The following DGKE variants were observed in gnomAD, a reference collection of about 807,000 sequenced individuals.
DGKE encodes DAG kinase epsilon.
A neutral mutation model predicts 70.0 loss-of-function variants in DGKE; 53 were observed. The ratio of observed to expected loss-of-function variants is 0.76; its 90% CI spans 0.61 to 0.95. The LOEUF (loss-of-function observed/expected upper bound fraction) is 0.95, where lower values mean the gene tolerates loss of function less well. Among genes scored for constraint, DGKE ranks in the 40% least tolerant of loss-of-function variants. The pLI, the probability that DGKE is intolerant of heterozygous loss-of-function variation, is 0.00. For synonymous variants in DGKE, 291 were observed against 257.0 expected (o/e 1.13, Z -1.27); for missense variants, 655 against 706.9 (o/e 0.93, Z 0.83).
chr17:56,861,050 GCAGATAGGC>G (rs1228271351), intron 9 of DGKE, among the ~76,000 whole-genome samples: 2 of 152,220 alleles, frequency 1.3e-5, no homozygotes, highest in Non-Finnish European at 2.9e-5. Context: ...AAAGCTAGAG[GCAGATAGGC>G]CAGATAGAAA....
intron 2 of DGKE, among the ~76,000 whole-genome samples, chr17:56,840,327 G>A (rs192355758): frequency 7.2e-5 from 11 of 152,150 alleles, no homozygotes; most frequent in Admixed American, 3.9e-4. Context: ...TTCATAATAC[G>A]CCAGATTTAT....
intron 3 of DGKE, 77 bp from the exon 4 acceptor site, chr17:56,845,613 A>G (rs1378541826): frequency 2.8e-6 from 4 of 1,439,524 alleles, no homozygotes; most frequent in Non-Finnish European, 3.7e-6. Context: ...TTATAGCACC[A>G]TTGTTCTCAA....
At chr17:56,861,944 TTA>T in intron 10 of DGKE, 26 bp downstream of exon 10, 2 of 1,568,892 alleles carry the variant, frequency 1.3e-6, no homozygotes, top group Non-Finnish European at 1.7e-6. Context: ...GTCTGTTTTT[TTA>T]TGTCACTATT....
intron 7 of DGKE, 70 bp downstream of exon 7, chr17:56,849,302 G>T: frequency 2.2e-6 from 3 of 1,384,324 alleles, no homozygotes; most frequent in Non-Finnish European, 3.0e-6. Context: ...TCTGTGGTGG[G>T]ATACAGAGAC....
chr17:56,843,922 A>C (rs895308806), intron 2 of DGKE, 97 bp from the exon 3 acceptor site: 16 of 1,224,092 alleles, frequency 1.3e-5, no homozygotes, highest in Admixed American at 3.3e-5. Context: ...GTAGTGATAA[A>C]ATTATGTTTT....
chr17:56,858,086 A>AAG (rs1555601114), intron 8 of DGKE, among the ~76,000 whole-genome samples: 2 of 151,256 alleles, frequency 1.3e-5, no homozygotes, highest in Non-Finnish European at 2.9e-5. Context: ...AAAAAAAAAA[A>AAG]AAAGAAAAAG....
At chr17:56,839,549 C>G (rs984668121) in intron 2 of DGKE, among the ~76,000 whole-genome samples, 1 of 152,138 alleles carries the variant, frequency 6.6e-6, no homozygotes, top group Non-Finnish European at 1.5e-5. Flanking sequence ...CAGGGTCTTA[C>G]TCTATATTGC....
chr17:56,850,423 G>T (rs1179085524), intron 7 of DGKE, among the ~76,000 whole-genome samples: 1 of 152,126 alleles, frequency 6.6e-6, no homozygotes, highest in Non-Finnish European at 1.5e-5. Flanking sequence ...ATGAGTCACT[G>T]TGCCCAGCCA....
In DGKE at chr17:56,864,929, T is replaced by C. The variant is rs1908471308; in HGVS notation, c.*2138T>C. The C allele has an allele frequency of 6.6e-6, 1 of 152,186 alleles. No homozygotes were observed. The highest frequency in any genetic ancestry group is 2.4e-5 in the African/African-American group (1 of 41,456). The allele number at this position is 152,186 out of a possible 1,614,324, so 9.4% of individuals were successfully genotyped here. Reference sequence around the variant, plus strand: ...GCCCTCATTTATCTAAATAAGTTGATTTTTTGGTTATTGTAATCTAGTAAG... The same window carrying C: ...GCCCTCATTTATCTAAATAAGTTGACTTTTTGGTTATTGTAATCTAGTAAG... On this transcript the variant is annotated 3_prime_UTR_variant, in exon 12 of 12. Transcript: ENST00000284061.
chr17:56,838,169 TCACA>T (rs1021559644), intron 2 of DGKE, among the ~76,000 whole-genome samples: 3 of 152,226 alleles, frequency 2.0e-5, no homozygotes, highest in African/African-American at 7.2e-5. Flanking sequence ...ACCCCACGCC[TCACA>T]CACAATTACT....
At chr17:56,844,445 A>G (rs1469486313) in intron 3 of DGKE, among the ~76,000 whole-genome samples, 1 of 152,210 alleles carries the variant, frequency 6.6e-6, no homozygotes, top group Non-Finnish European at 1.5e-5. Context: ...GTGGTTTCCA[A>G]ATCATTGCCT....
chr17:56,842,960 C>G (rs1381202901), intron 2 of DGKE, among the ~76,000 whole-genome samples: 2 of 152,144 alleles, frequency 1.3e-5, no homozygotes, highest in Non-Finnish European at 2.9e-5. Context: ...ATTTCAAAAG[C>G]AAGCATATGA....
chr17:56,837,401 C>T (rs1226320900), intron 2 of DGKE, among the ~76,000 whole-genome samples: 1 of 152,174 alleles, frequency 6.6e-6, no homozygotes, highest in Non-Finnish European at 1.5e-5. Flanking sequence ...CCATTGAGCA[C>T]ACTGAATCTG....
At chr17:56,838,830 G>A (rs927802612) in intron 2 of DGKE, 7 of 152,098 alleles carry the variant, frequency 4.6e-5, no homozygotes, top group South Asian at 2.1e-4. Flanking sequence ...AACTCAGGAA[G>A]TATATACGTA....
chr17:56,834,722 G>T (rs1292286675), intron 1 of DGKE, 56 bp from the exon 2 acceptor site: 26 of 1,479,076 alleles, frequency 1.8e-5, no homozygotes, highest in Non-Finnish European at 2.4e-5. Flanking sequence ...AGGCAGGAAG[G>T]GGGCGGGGAA....
intron 2 of DGKE, among the ~76,000 whole-genome samples, chr17:56,840,272 T>C (rs531957403): frequency 3.2e-4 from 48 of 152,330 alleles, no homozygotes; most frequent in African/African-American, 1.1e-3. Flanking sequence ...GTTTTATGAA[T>C]CGTGTTAGGA....
intron 7 of DGKE, among the ~76,000 whole-genome samples, chr17:56,853,469 A>T (rs1301387637): frequency 1.3e-5 from 2 of 152,090 alleles, no homozygotes; most frequent in Admixed American, 6.6e-5. Context: ...TTTTGAATTG[A>T]TTCTTTATAA....
In DGKE at chr17:56,867,107, T is replaced by C. The variant is rs949207901; in HGVS notation, c.*4316T>C. 6.6e-6 allele frequency: 1 copy of C among 152,218 alleles called. No individual in the cohort carries two copies. The highest frequency in any genetic ancestry group is 2.4e-5 in the African/African-American group (1 of 41,460). The allele number at this position is 152,218 out of a possible 1,614,324, so 9.4% of individuals were successfully genotyped here. ...ATATGTAAATACACATCAATACATA[T>C]ATATTTACCCATGTGGCCCTGTGTA... On this transcript the variant is annotated 3_prime_UTR_variant, in exon 12 of 12. Transcript: ENST00000284061.
rs1908426491 is a variant in DGKE at position 56,863,936 on chromosome 17, T to C, written c.*1145T>C. On this transcript the variant is annotated 3_prime_UTR_variant, in exon 12 of 12. Transcript: ENST00000284061. ...CACAATCAGATAGAAATTTAGTCTA[T>C]TAATTAAAATTCTAATTTAATTCTC... The C allele has an allele frequency of 6.6e-6, 1 of 152,250 alleles. No individual in the cohort carries two copies. The highest frequency in any genetic ancestry group is 2.4e-5 in the African/African-American group (1 of 41,468). 9.4% of individuals were successfully genotyped at this position (152,250 alleles called of 1,614,324 possible).
Sources: gnomAD v4.1 joint callset for allele counts (sites outside exome capture counted in the v4.1 genomes callset) on GRCh38, gnomAD v4.1.1 for gene constraint, MANE v1.5 for transcripts, NCBI Gene and HGNC (gene_info 2026-07-23, HGNC 2026-07-21) for gene names.